DNAH8: variants seen among roughly 807,000 people sequenced by gnomAD.
DNAH8 encodes the protein axonemal beta dynein heavy chain 8.
In DNAH8, 382 loss-of-function variants were observed where a neutral mutation model predicts 562.1. The ratio of observed to expected loss-of-function variants is 0.68; its 90% CI spans 0.63 to 0.74. DNAH8 has a LOEUF of 0.74. DNAH8 is among the 30% of genes least tolerant of loss of function. DNAH8 has a pLI of 0.00. For missense variants in DNAH8, 5,203 were observed against 5,620.4 expected (o/e 0.93, Z 2.37); for synonymous variants, 1,881 against 1,919.4 (o/e 0.98, Z 0.52).
chr6:39,024,376 T>G (rs1767135215), intron 91 of DNAH8, among the ~76,000 whole-genome samples: 3 of 152,196 alleles, frequency 2.0e-5, no homozygotes, highest in Non-Finnish European at 4.4e-5. Flanking sequence ...ATACAGTGTC[T>G]AATACATGGA....
At chr6:38,968,899 A>G (rs1039433456) in intron 82 of DNAH8, among the ~76,000 whole-genome samples, 1 of 152,226 alleles carries the variant, frequency 6.6e-6, no homozygotes, top group Non-Finnish European at 1.5e-5. Flanking sequence ...TCTGGGGCTG[A>G]TGAACAGATA....
chr6:39,024,775 A>G (rs928898565), intron 91 of DNAH8, among the ~76,000 whole-genome samples: 2 of 152,146 alleles, frequency 1.3e-5, no homozygotes, highest in Non-Finnish European at 2.9e-5. Context: ...CTTCCACTAC[A>G]TTTCCTGCCT....
intron 1 of DNAH8, chr6:38,716,786 G>T (rs1211285060): frequency 6.6e-6 from 1 of 152,254 alleles, no homozygotes; most frequent in African/African-American, 2.4e-5. Flanking sequence ...AGAAATGGGT[G>T]CAAGAGAAAA....
intron 57 of DNAH8, among the ~76,000 whole-genome samples, chr6:38,888,808 C>G (rs779079890): frequency 2.0e-5 from 3 of 152,174 alleles, no homozygotes; most frequent in Non-Finnish European, 2.9e-5. Flanking sequence ...TGCTACAAAC[C>G]CTTTGGATAA....
At chr6:39,029,471 T>G (rs1583596948) in intron 92 of DNAH8, among the ~76,000 whole-genome samples, 1 of 152,132 alleles carries the variant, frequency 6.6e-6, no homozygotes, top group East Asian at 1.9e-4. Flanking sequence ...TTTAAAAAAT[T>G]TTTCTGCACC....
At position 38,791,908 on chromosome 6, in the gene DNAH8, G is replaced by C. The variant is rs80165194; in HGVS notation, c.2901+234G>C. Among the ~76,000 whole-genome samples the C allele has an allele frequency of 0.011, 1,617 of 152,110 alleles. 79 individuals are homozygous for C. In the East Asian group the frequency reaches 0.14, roughly 13 times the overall value. The stretch of plus-strand genomic sequence containing the variant: ...TCAGCCTAATGCTGGCGTTTCCTGG[G>C]GCTCTGTAAGTGGTTCACAGCTCTC... On this transcript the variant is annotated intron_variant, in intron 21 of 92. Transcript: ENST00000327475.
chr6:38,807,009 C>G (rs1223812255), intron 23 of DNAH8, among the ~76,000 whole-genome samples: 1 of 152,120 alleles, frequency 6.6e-6, no homozygotes, highest in Non-Finnish European at 1.5e-5. Flanking sequence ...ATGTATGACT[C>G]ATTGTGTAAG....
intron 79 of DNAH8, among the ~76,000 whole-genome samples, chr6:38,942,842 C>T (rs975781925): frequency 6.6e-6 from 1 of 152,214 alleles, no homozygotes; most frequent in Non-Finnish European, 1.5e-5. Context: ...CCTCTCCCAC[C>T]TACCAACCAG....
intron 13 of DNAH8, among the ~76,000 whole-genome samples, 180 bp downstream of exon 13, chr6:38,776,131 A>AT (rs557347875): frequency 8.6e-5 from 13 of 151,378 alleles, no homozygotes; most frequent in South Asian, 6.3e-4. Context: ...CCACTAAAGG[A>AT]TTTTTTTTTG....
At position 38,820,610 on chromosome 6, in the gene DNAH8, A is replaced by G. The variant is rs184596306; in HGVS notation, c.3524-2228A>G. ...AAAGGACTCTTAAATTTAAATGACC[A>G]TGCTGAAGTCCATAATAAAATGTTA... On this transcript the variant is annotated intron_variant, in intron 26 of 92. Transcript: ENST00000327475. Among the ~76,000 whole-genome samples, 784 of 152,344 alleles carry G rather than the reference A, an allele frequency of 5.1e-3. 7 individuals carry two copies. Among genetic ancestry groups the G allele is most frequent in the African/African-American group, 0.018 (761 of 41,594 alleles).
At chr6:38,734,655 G>A (rs757144781) in intron 5 of DNAH8, 30 bp downstream of exon 5, 2 of 1,601,070 alleles carry the variant, frequency 1.2e-6, no homozygotes, top group Admixed American at 1.7e-5. Context: ...CAAATACATA[G>A]TTAAACATTG....
chr6:38,827,704 T>A (rs1461494048), intron 29 of DNAH8, among the ~76,000 whole-genome samples: 1 of 141,184 alleles, frequency 7.1e-6, no homozygotes, highest in Non-Finnish European at 1.5e-5. Context: ...AAATTTTCCC[T>A]GACTGCAAAA....
chr6:38,952,774 G>A (rs1049846216), intron 82 of DNAH8, among the ~76,000 whole-genome samples: 3 of 152,110 alleles, frequency 2.0e-5, no homozygotes, highest in Non-Finnish European at 4.4e-5. Context: ...ACGGTCTTCT[G>A]TCTGAACACT....
At chr6:39,002,618 T>C (rs913447892) in intron 88 of DNAH8, among the ~76,000 whole-genome samples, 1 of 152,240 alleles carries the variant, frequency 6.6e-6, no homozygotes, top group Non-Finnish European at 1.5e-5. Context: ...TTAAGATAAG[T>C]GTCTTTTGGG....
chr6:38,823,074 T>C (rs1346200095), intron 27 of DNAH8, 40 bp downstream of exon 27: 6 of 1,511,860 alleles, frequency 4.0e-6, no homozygotes, highest in Non-Finnish European at 5.3e-6. Flanking sequence ...GGGTTTTGTT[T>C]GTCTCTAATT....
At chr6:38,724,403 G>A (rs1270175838) in intron 3 of DNAH8, among the ~76,000 whole-genome samples, 1 of 152,184 alleles carries the variant, frequency 6.6e-6, no homozygotes, top group Non-Finnish European at 1.5e-5. Flanking sequence ...ATAGTTGAGT[G>A]GTGACGGTAG....
chr6:38,990,112 A>G lies in DNAH8; in HGVS notation c.13154A>G (p.Gln4385Arg), dbSNP rs758269268. ...KTLDQYFEYI[Q>R]SLPSLDNPEV... ...TTAGACCAGTATTTTGAATACATCC[A>G]GTCACTGCCATCCCTAGATAACCCT... is the stretch of plus-strand genomic sequence containing the variant. Residue 4385 changes from glutamine to arginine, a missense_variant, in exon 88 of 93, where the codon CAG becomes CGG. Coordinates refer to ENST00000327475, the MANE Select transcript of DNAH8 (RefSeq NM_001206927.2). 8 of 1,608,278 alleles carry G rather than the reference A, an allele frequency of 5.0e-6. No individual in the cohort carries two copies. The South Asian group carries it at 7.7e-5, about 15-fold the overall frequency.
At chr6:38,967,645 A>G (rs1763062446) in intron 82 of DNAH8, among the ~76,000 whole-genome samples, 1 of 152,166 alleles carries the variant, frequency 6.6e-6, no homozygotes, top group Non-Finnish European at 1.5e-5. Context: ...AATAAATGGA[A>G]AGACATCCAG....
Position 38,973,691 on chromosome 6 carries a change from C to T in DNAH8, c.12556C>T (p.Leu4186Phe). ...TTGGGTATTACTACAAAATTGCCAC[C>T]TTGGCCTGGAATTCATGGAAGAATT... is the stretch of plus-strand genomic sequence containing the variant. ...GGWVLLQNCH[L>F]GLEFMEELLE... Residue 4186 changes from leucine (L) to phenylalanine (F), a missense_variant, in exon 84 of 93, where the codon CTT (leucine) becomes TTT (phenylalanine). Physicochemically the swap from Leu to Phe is conservative, Grantham distance 22. This residue lies in a region of DNAH8 where 1,399 missense variants were observed against 1,518.4 expected (regional missense o/e 0.92). Transcript: ENST00000327475. 1 of 1,603,578 alleles carries T rather than the reference C, an allele frequency of 6.2e-7. No homozygotes were observed. The highest frequency in any genetic ancestry group is 8.5e-7 in the Non-Finnish European group (1 of 1,176,284).
Sources: gnomAD v4.1 joint callset for allele counts (sites outside exome capture counted in the v4.1 genomes callset) on GRCh38, gnomAD v4.1.1 for gene constraint, gnomAD v4.1.1 regional missense constraint, MANE v1.5 for transcripts, NCBI Gene and HGNC (gene_info 2026-07-23, HGNC 2026-07-21) for gene names.